The following DNAH7 variants were observed in gnomAD, a reference collection of about 807,000 sequenced individuals.
DNAH7 encodes the protein axonemal beta dynein heavy chain 7.
Under a neutral mutation model 444.6 loss-of-function variants are expected in DNAH7, and 397 were observed. The observed-to-expected ratio is 0.89, with a 90% CI of 0.82 to 0.97. The LOEUF (loss-of-function observed/expected upper bound fraction) is 0.97. Ranked by LOEUF, DNAH7 falls within the 50% of genes least tolerant of loss-of-function variation. The probability of loss-of-function intolerance (pLI) is 0.00; values close to 1 mark genes in which losing one functional copy is unlikely to be tolerated. For synonymous variants in DNAH7, 1,636 were observed against 1,624.4 expected (o/e 1.01, Z -0.17); for missense variants, 4,902 against 4,800.8 (o/e 1.02, Z -0.62).
chr2:196,068,004 TAAAG>T (rs987185018), intron 1 of DNAH7, among the ~76,000 whole-genome samples: 1 of 149,044 alleles, frequency 6.7e-6, no homozygotes, highest in African/African-American at 2.5e-5. Context: ...TTAAGTTCAA[TAAAG>T]AAAGAATTCT....
At chr2:195,810,587 ATGTCC>A (rs1361564302) in intron 51 of DNAH7, among the ~76,000 whole-genome samples, 1 of 149,412 alleles carries the variant, frequency 6.7e-6, no homozygotes, top group East Asian at 1.9e-4. Context: ...AATTTTGGCA[ATGTCC>A]TAACTGATAT....
At chr2:195,890,299 T>C (rs191873712) in intron 31 of DNAH7, among the ~76,000 whole-genome samples, 63 of 152,308 alleles carry the variant, frequency 4.1e-4, no homozygotes, top group African/African-American at 1.5e-3. Context: ...GGGCTTCCCA[T>C]GCCTGTTATG....
chr2:196,045,552 A>G (rs1186458116), intron 5 of DNAH7, among the ~76,000 whole-genome samples: 6 of 151,950 alleles, frequency 3.9e-5, no homozygotes, highest in East Asian at 3.9e-4. Flanking sequence ...GAGAGAGAGA[A>G]TATGGGTACT....
At position 195,936,898 on chromosome 2, in the gene DNAH7, T is replaced by A. The variant is rs114261058; in HGVS notation, c.3079-106A>T. 4.2e-3 allele frequency: 4,238 copies of A among 999,792 alleles called. 119 individuals are homozygous for A. The African/African-American group carries it at 0.062, about 15-fold the overall frequency. 61.9% of individuals were successfully genotyped at this position (999,792 alleles called of 1,614,324 possible). On this transcript the variant is annotated intron_variant, in intron 19 of 64. Transcript: ENST00000312428. ...TATGTTTGTAATCAAACAAAGGTTA[T>A]GTAAATTTTAAGGGGAGTATTTGTT...
chr2:195,846,439 G>C (rs1559140304), intron 46 of DNAH7, among the ~76,000 whole-genome samples: 1 of 152,226 alleles, frequency 6.6e-6, no homozygotes, highest in African/African-American at 2.4e-5. Context: ...CCATTGGGCA[G>C]AGCAGTGTAG....
intron 40 of DNAH7, among the ~76,000 whole-genome samples, chr2:195,870,536 T>C (rs904864455): frequency 6.6e-6 from 1 of 152,244 alleles, no homozygotes; most frequent in Non-Finnish European, 1.5e-5. Flanking sequence ...CAATGCAATC[T>C]GCTATGGTTT....
chr2:196,040,126 G>A (rs1696650421), intron 5 of DNAH7, among the ~76,000 whole-genome samples: 1 of 152,096 alleles, frequency 6.6e-6, no homozygotes, highest in Non-Finnish European at 1.5e-5. Flanking sequence ...TAACTTTACT[G>A]CTGAATTCTA....
intron 9 of DNAH7, among the ~76,000 whole-genome samples, 167 bp downstream of exon 9, chr2:196,019,003 T>C (rs965553791): frequency 1.3e-4 from 20 of 152,202 alleles, no homozygotes; most frequent in African/African-American, 4.6e-4. Context: ...GTGTTCACTT[T>C]TTGCTCTATA....
Position 195,923,598 on chromosome 2 carries a change from C to G in DNAH7, c.3822G>C (p.Trp1274Cys). Residue 1274 changes from tryptophan to cysteine, a missense_variant, in exon 23 of 65, where the codon TGG becomes TGC. Coordinates refer to ENST00000312428, the MANE Select transcript of DNAH7 (RefSeq NM_018897.3). The part of the protein sequence containing the change: ...FEWLSQLRYY[W>C]QENHLETKMI... ...AACATTCAGTGATACCACTTACTTG[C>G]CAGTAGTACCTAAGCTGACTTAACC... 1 of 1,613,904 alleles carries G rather than the reference C, an allele frequency of 6.2e-7. No individual in the cohort carries two copies. Among genetic ancestry groups the G allele is most frequent in the Admixed American group, 1.7e-5 (1 of 60,002 alleles).
intron 63 of DNAH7, among the ~76,000 whole-genome samples, chr2:195,748,679 C>G (rs944246770): frequency 1.9e-4 from 29 of 152,256 alleles, no homozygotes; most frequent in African/African-American, 6.5e-4. Flanking sequence ...AGAAATAACG[C>G]CGCTTATCTA....
Position 195,957,412 on chromosome 2 carries a change from A to G in DNAH7, c.2927T>C (p.Ile976Thr). The part of the protein sequence containing the change: ...WEGKLLLLQE[I>T]LDEWLKVQAT... The stretch of plus-strand genomic sequence containing the variant: ...TTGGACTTTGAGCCATTCATCCAGA[A>G]TCTCCTGAAGCAGTAGGAGCTTGCC... Residue 976 changes from isoleucine to threonine, a missense_variant, in exon 19 of 65, where the codon ATT (isoleucine) becomes ACT (threonine). Ile to Thr is a moderately conservative substitution (Grantham distance 89). Coordinates refer to ENST00000312428, the MANE Select transcript of DNAH7 (RefSeq NM_018897.3). 2 of 1,593,660 alleles carry G rather than the reference A, an allele frequency of 1.3e-6. No homozygotes were observed. Among genetic ancestry groups the G allele is most frequent in the Non-Finnish European group, 1.7e-6 (2 of 1,164,920 alleles).
At chr2:195,769,213 G>A (rs576948005) in intron 61 of DNAH7, among the ~76,000 whole-genome samples, 3 of 152,088 alleles carry the variant, frequency 2.0e-5, no homozygotes, top group African/African-American at 4.8e-5. Context: ...CTATGCTTGC[G>A]GAGAATAAAG....
chr2:195,985,809 T>G (rs1448739519), intron 14 of DNAH7, among the ~76,000 whole-genome samples: 1 of 152,192 alleles, frequency 6.6e-6, no homozygotes, highest in Non-Finnish European at 1.5e-5. Context: ...ATTCTTCTAG[T>G]TCTTTTACAG....
At chr2:196,051,128 AACT>A (rs979183327) in intron 3 of DNAH7, 56 bp downstream of exon 3, 2 of 1,481,460 alleles carry the variant, frequency 1.4e-6, no homozygotes, top group African/African-American at 2.8e-5. Context: ...CAAGTTAGAA[AACT>A]AATAAACATT....
In DNAH7 at chr2:195,889,625, A is replaced by G. The variant is rs191796965; in HGVS notation, c.5047-644T>C. ...AGCCACTGCACCTGGCCCTTGATCA[A>G]TGTTTCTGAATTCAAATATATTAAC... On this transcript the variant is annotated intron_variant, in intron 31 of 64. Transcript: ENST00000312428. Among the ~76,000 whole-genome samples the G allele has an allele frequency of 6.7e-3, 1,021 of 152,286 alleles. 4 individuals carry two copies. Among genetic ancestry groups the G allele is most frequent in the Non-Finnish European group, 0.01 (682 of 68,014 alleles).
At chr2:195,873,879 C>T (rs954588902) in intron 38 of DNAH7, among the ~76,000 whole-genome samples, 185 bp from the exon 39 acceptor site, 1 of 152,136 alleles carries the variant, frequency 6.6e-6, no homozygotes, top group Non-Finnish European at 1.5e-5. Flanking sequence ...CAAGACGTTA[C>T]TTTTCTAGGT....
At chr2:195,776,625 T>C (rs1695077063) in intron 59 of DNAH7, among the ~76,000 whole-genome samples, 1 of 151,866 alleles carries the variant, frequency 6.6e-6, no homozygotes, top group South Asian at 2.1e-4. Flanking sequence ...ACAATAAAAA[T>C]ATTTTTTTTC....
At chr2:195,770,153 A>G (rs1694766400) in intron 61 of DNAH7, among the ~76,000 whole-genome samples, 2 of 152,204 alleles carry the variant, frequency 1.3e-5, no homozygotes, top group African/African-American at 4.8e-5. Context: ...TCTGCCTCCA[A>G]TGCAGAGGGA....
intron 5 of DNAH7, among the ~76,000 whole-genome samples, chr2:196,046,852 G>A (rs1168217323): frequency 6.6e-6 from 1 of 152,166 alleles, no homozygotes; most frequent in East Asian, 1.9e-4. Context: ...TAAGCAACTA[G>A]CACAAAGCGG....
Sources: gnomAD v4.1 joint callset for allele counts (sites outside exome capture counted in the v4.1 genomes callset) on GRCh38, gnomAD v4.1.1 for gene constraint, MANE v1.5 for transcripts, NCBI Gene and HGNC (gene_info 2026-07-23, HGNC 2026-07-21) for gene names.